TRAK2: variants seen among roughly 807,000 people sequenced by gnomAD.
The protein encoded by TRAK2 is trafficking kinesin-binding protein 2.
A neutral mutation model predicts 104.6 loss-of-function variants in TRAK2; 81 were observed. The observed-to-expected ratio is 0.77, with a 90% CI of 0.65 to 0.93. The LOEUF is 0.93. Ranked by LOEUF, TRAK2 falls within the 40% of genes least tolerant of loss-of-function variation. The pLI is 0.00. For missense variants in TRAK2, 1,002 were observed against 1,089.0 expected (o/e 0.92, Z 1.12); for synonymous variants, 406 against 394.4 (o/e 1.03, Z -0.35).
intron 14 of TRAK2, among the ~76,000 whole-genome samples, chr2:201,385,612 T>C (rs1951381633): frequency 6.6e-6 from 1 of 152,178 alleles, no homozygotes; most frequent in African/African-American, 2.4e-5. Flanking sequence ...TACACATATC[T>C]GAAAAGACTA....
intron 12 of TRAK2, among the ~76,000 whole-genome samples, chr2:201,388,351 T>C (rs561829552): frequency 6.6e-6 from 1 of 152,188 alleles, no homozygotes; most frequent in African/African-American, 2.4e-5. Context: ...ATCTGTATCA[T>C]AGATTGCAAG....
chr2:201,419,577 T>C (rs2125654300), intron 2 of TRAK2: 1 of 154,484 alleles, frequency 6.5e-6, no homozygotes, highest in African/African-American at 2.4e-5. Flanking sequence ...GGGAGATCTC[T>C]GTACAAGGGA....
chr2:201,411,903 T>G, intron 2 of TRAK2: 1 of 1,041,376 alleles, frequency 9.6e-7, no homozygotes, highest in South Asian at 1.3e-5. Flanking sequence ...TTTGCAAAGG[T>G]TGGAATGATG....
chr2:201,386,674 G>C (rs1215892865), intron 13 of TRAK2, among the ~76,000 whole-genome samples, 190 bp from the exon 14 acceptor site: 1 of 152,122 alleles, frequency 6.6e-6, no homozygotes, highest in Admixed American at 6.5e-5. Context: ...AAAGGTATGA[G>C]TCATAATCTG....
intron 7 of TRAK2, among the ~76,000 whole-genome samples, chr2:201,397,181 A>G (rs929547668): frequency 6.6e-6 from 1 of 152,216 alleles, no homozygotes; most frequent in Non-Finnish European, 1.5e-5. Flanking sequence ...TGACTTTGGC[A>G]TATCATCTTC....
At chr2:201,399,669 CGTT>C (rs905453844) in intron 4 of TRAK2, among the ~76,000 whole-genome samples, 176 bp from the exon 5 acceptor site, 2 of 152,024 alleles carry the variant, frequency 1.3e-5, no homozygotes, top group Admixed American at 6.6e-5. Flanking sequence ...TGCTTTAAAA[CGTT>C]GGTCAAATGG....
intron 2 of TRAK2, among the ~76,000 whole-genome samples, chr2:201,418,182 G>A (rs1385304104): frequency 6.6e-6 from 1 of 152,088 alleles, no homozygotes; most frequent in African/African-American, 2.4e-5. Flanking sequence ...ATGACAAGCT[G>A]GTTATTATTA....
In TRAK2 at chr2:201,381,060, T is replaced by C. The variant is rs1951339242; in HGVS notation, c.2228A>G (p.Lys743Arg). 1.9e-6 allele frequency: 3 copies of C among 1,613,940 alleles called. No individual in the cohort carries two copies. Among genetic ancestry groups the C allele is most frequent in the Admixed American group, 1.7e-5 (1 of 59,980 alleles). Reference sequence around the variant, plus strand: ...AGAGATGCCTCGCTCTTGTAGAAGTTTGGCCAAGCTCATGGTGCTACTGAA... The same window carrying C: ...AGAGATGCCTCGCTCTTGTAGAAGTCTGGCCAAGCTCATGGTGCTACTGAA... ...TTFSSTMSLA[K>R]LLQERGISAK... Residue 743 changes from lysine to arginine, a missense_variant, in exon 16 of 16, where the codon AAA (lysine) becomes AGA (arginine). By Grantham distance (26) the Lys-to-Arg change is conservative. Coordinates refer to ENST00000332624, the MANE Select transcript of TRAK2 (RefSeq NM_015049.3).
At chr2:201,381,240 TG>T in intron 15 of TRAK2, 22 bp from the exon 16 acceptor site, 1 of 1,512,440 alleles carries the variant, frequency 6.6e-7, no homozygotes, top group Non-Finnish European at 8.9e-7. Context: ...AAAAAAAAAG[TG>T]GGAGACAGTG....
chr2:201,442,039 A>G (rs1359884870), intron 1 of TRAK2, among the ~76,000 whole-genome samples: 1 of 151,088 alleles, frequency 6.6e-6, no homozygotes, highest in Non-Finnish European at 1.5e-5. Context: ...GTTTCAACTT[A>G]CACCACTGGC....
In TRAK2 at chr2:201,389,300, C is replaced by T; in HGVS notation, c.1397G>A (p.Gly466Glu). ...ATCACTGTTATCATCGGATTCCTACCCTGCAACCTCCTCTGAGCTGCTCCC... is the reference window on the plus strand; with the variant it reads ...ATCACTGTTATCATCGGATTCCTACTCTGCAACCTCCTCTGAGCTGCTCCC... ...NQGSSSEEVA[G>E]SSQKMGQPGP... The change falls in exon 12 of 16, where the codon GGG (glycine) becomes GAG (glutamate). Residue 466 changes from glycine to glutamate, a missense_variant and splice_region_variant. Physicochemically the swap from Gly to Glu is moderately conservative, Grantham distance 98. Transcript: ENST00000332624. The T allele has an allele frequency of 6.2e-7, 1 of 1,613,980 alleles. No individual in the cohort carries two copies. Among genetic ancestry groups the T allele is most frequent in the Non-Finnish European group, 8.5e-7 (1 of 1,179,904 alleles).
At chr2:201,392,797 GA>G (rs1201867394) in intron 10 of TRAK2, 111 bp downstream of exon 10, 24 of 1,101,452 alleles carry the variant, frequency 2.2e-5, no homozygotes, top group Non-Finnish European at 2.9e-5. Context: ...CAGAAACAAG[GA>G]AAAAATCTCT....
chr2:201,443,367 T>C (rs1342973627), intron 1 of TRAK2, among the ~76,000 whole-genome samples: 1 of 152,226 alleles, frequency 6.6e-6, no homozygotes, highest in Non-Finnish European at 1.5e-5. Context: ...TTGGCTCTCC[T>C]GGAGAGAGAG....
intron 4 of TRAK2, among the ~76,000 whole-genome samples, chr2:201,400,108 T>A (rs1361620219): frequency 6.8e-6 from 1 of 146,726 alleles, no homozygotes; most frequent in Non-Finnish European, 1.5e-5. Flanking sequence ...CTGCCTAGAG[T>A]ATAGAGAAGA....
rs1187341084 is a variant in TRAK2, at chr2:201,420,448, A to G, written c.60T>C (p.Asn20=). The G allele has an allele frequency of 4.3e-6, 7 of 1,614,030 alleles. No individual in the cohort carries two copies. Among genetic ancestry groups the G allele is most frequent in the South Asian group, 1.1e-5 (1 of 91,082 alleles). ...TSPTGEENLM[N]SNHRDSESIT... is the part of the protein sequence containing the mutation. ...TGCTCTCCGAGTCTCTGTGATTGCT[A>G]TTCATGAGGTTTTCTTCACCTGTTG... Residue 20 remains asparagine (N), a synonymous_variant, in exon 2 of 16, where the codon AAT becomes AAC. Transcript: ENST00000332624.
intron 4 of TRAK2, 144 bp downstream of exon 4, chr2:201,400,874 T>C (rs1467406488): frequency 4.0e-6 from 2 of 505,776 alleles, no homozygotes; most frequent in Non-Finnish European, 7.0e-6. Context: ...TACTTTGAAA[T>C]GTCAGTTGTT....
intron 2 of TRAK2, 50 bp downstream of exon 2, chr2:201,420,367 A>G: frequency 6.6e-7 from 1 of 1,511,382 alleles, no homozygotes; most frequent in South Asian, 1.1e-5. Flanking sequence ...AGGCATTTGC[A>G]TTTTCTCCTA....
At chr2:201,414,049 A>G (rs1951671102) in intron 2 of TRAK2, among the ~76,000 whole-genome samples, 1 of 152,188 alleles carries the variant, frequency 6.6e-6, no homozygotes, top group African/African-American at 2.4e-5. Flanking sequence ...TATCACACAC[A>G]ACAGTAGTAA....
chr2:201,415,448 A>G (rs1951683433), intron 2 of TRAK2, among the ~76,000 whole-genome samples: 1 of 152,216 alleles, frequency 6.6e-6, no homozygotes, highest in Non-Finnish European at 1.5e-5. Flanking sequence ...AGAATTAATA[A>G]GCAGCAATTT....
Sources: allele counts gnomAD v4.1 joint callset (sites outside exome capture counted in the v4.1 genomes callset), GRCh38; gene constraint gnomAD v4.1.1; transcripts MANE v1.5; gene names NCBI Gene and HGNC (gene_info 2026-07-23, HGNC 2026-07-21).